SLIRP: variants seen among roughly 807,000 people sequenced by gnomAD.
SLIRP encodes the protein SRA stem-loop interacting RNA binding protein.
SLIRP carries 12 observed loss-of-function variants against 13.4 expected under a neutral mutation model. The observed-to-expected ratio is 0.89, with a 90% CI of 0.57 to 1.45. The LOEUF is 1.45. Among genes scored for constraint, SLIRP ranks in the 40% most tolerant of loss-of-function variants. The pLI, the probability that SLIRP is intolerant of heterozygous loss-of-function variation, is 0.00. For missense variants in SLIRP, 154 were observed against 132.2 expected (o/e 1.17, Z -0.81); for synonymous variants, 55 against 47.1 (o/e 1.17, Z -0.69).
rs993245161 is a variant in SLIRP, at chr14:77,714,171, A to G, written c.157-1601A>G. ...TAGTCGTGTGCCACCACACCTGACT[A>G]ATTTTTTGTACTCTTTGTAGAAATG... is the stretch of plus-strand genomic sequence containing the variant. On this transcript the variant is annotated intron_variant, in intron 2 of 3. Coordinates refer to ENST00000557342, the MANE Select transcript of SLIRP (RefSeq NM_031210.6). Among the ~76,000 whole-genome samples the G allele has an allele frequency of 7.3e-5, 11 of 151,568 alleles. No homozygotes were observed. The East Asian group carries it at 2.0e-3, about 27-fold the overall frequency.
At chr14:77,708,089 C>T (rs373975288), upstream of SLIRP, 43 of 1,611,240 alleles carry the variant, frequency 2.7e-5, no homozygotes, top group Admixed American at 8.5e-5. Context: ...GACCTCGGCT[C>T]GAGAAGGTGC....
intron 1 of SLIRP, 60 bp downstream of exon 1, chr14:77,708,268 C>T: frequency 1.3e-6 from 2 of 1,551,078 alleles, no homozygotes; most frequent in Admixed American, 1.7e-5. Flanking sequence ...CTCAAAGCTT[C>T]TGCTTTTTGC....
chr14:77,714,973 A>C (rs151338831), intron 2 of SLIRP, among the ~76,000 whole-genome samples: 1 of 152,320 alleles, frequency 6.6e-6, no homozygotes, highest in Non-Finnish European at 1.5e-5. Context: ...GAAAATAGCA[A>C]AATTGTTTAA....
In SLIRP at chr14:77,708,133, G is replaced by T. The variant is rs762954893; in HGVS notation, c.22G>T (p.Gly8Cys). The part of the protein sequence containing the change: MAASAAR[G>C]AAALRRSINQ... ...GAAGATGGCGGCCTCAGCAGCGAGA[G>T]GTGCTGCGGCGCTGCGTAGAAGTAT... is the stretch of plus-strand genomic sequence containing the variant. The change falls in exon 1 of 4, where the codon GGT (glycine) becomes TGT (cysteine). Residue 8 changes from glycine (G) to cysteine (C), a missense_variant. Gly to Cys is a radical substitution (Grantham distance 159, BLOSUM62 -3). Coordinates refer to ENST00000557342, the MANE Select transcript of SLIRP (RefSeq NM_031210.6). 6.2e-7 allele frequency: 1 copy of T among 1,614,120 alleles called. No homozygotes were observed. The highest frequency in any genetic ancestry group is 8.5e-7 in the Non-Finnish European group (1 of 1,179,982).
intron 2 of SLIRP, among the ~76,000 whole-genome samples, chr14:77,714,385 C>T (rs1226904552): frequency 2.0e-5 from 3 of 152,182 alleles, no homozygotes; most frequent in Non-Finnish European, 4.4e-5. Flanking sequence ...ACTGCAATCG[C>T]TGCCTCCTGG....
chr14:77,714,388 C>G (rs1032467535), intron 2 of SLIRP, among the ~76,000 whole-genome samples: 5 of 152,164 alleles, frequency 3.3e-5, no homozygotes, highest in African/African-American at 1.2e-4. Flanking sequence ...GCAATCGCTG[C>G]CTCCTGGGTT....
At chr14:77,710,468 G>A in intron 1 of SLIRP, 1 of 768,804 alleles carries the variant, frequency 1.3e-6, no homozygotes, top group South Asian at 1.4e-5. Flanking sequence ...AGACCAGTAA[G>A]TTGGGATTTT....
intron 1 of SLIRP, 44 bp from the exon 2 acceptor site, chr14:77,710,794 C>T (rs1441856153): frequency 6.2e-7 from 1 of 1,611,876 alleles, no homozygotes; most frequent in Non-Finnish European, 8.5e-7. Flanking sequence ...GATAGAGAAT[C>T]CAAAATATAG....
At chr14:77,710,521 A>C in intron 1 of SLIRP, 1 of 1,259,464 alleles carries the variant, frequency 7.9e-7, no homozygotes, top group Non-Finnish European at 1.1e-6. Context: ...CTGGATTGTA[A>C]TTTGTCTTTT....
chr14:77,712,275 C>CT (rs35035208), intron 2 of SLIRP, among the ~76,000 whole-genome samples: 51,039 of 137,202 alleles, frequency 0.37, 9,905 homozygotes, highest in East Asian at 0.5. Context: ...GGCAAAATTC[C>CT]TTTTTTTTTT....
At chr14:77,715,901 A>G in intron 3 of SLIRP, 22 bp downstream of exon 3, 2 of 1,533,896 alleles carry the variant, frequency 1.3e-6, no homozygotes, top group Non-Finnish European at 1.8e-6. Flanking sequence ...TCTATGCCAG[A>G]TACATACATG....
At chr14:77,716,121 C>T (rs1201855056) in intron 3 of SLIRP, 4 of 322,608 alleles carry the variant, frequency 1.2e-5, no homozygotes, top group Non-Finnish European at 2.3e-5. Flanking sequence ...TCGAGACCAT[C>T]CTGGCTAACA....
At chr14:77,709,533 TAA>T (rs1207164770) in intron 1 of SLIRP, among the ~76,000 whole-genome samples, 2 of 152,336 alleles carry the variant, frequency 1.3e-5, no homozygotes, top group Non-Finnish European at 2.9e-5. Flanking sequence ...TTAAAACCCT[TAA>T]AAAGAGTCAG....
intron 2 of SLIRP, among the ~76,000 whole-genome samples, chr14:77,711,226 TATATACAC>T (rs1356499793): frequency 2.1e-5 from 3 of 144,424 alleles, no homozygotes; most frequent in Non-Finnish European, 4.5e-5. Context: ...AATATATAAA[TATATACAC>T]CTAATAATAT....
At chr14:77,716,132 C>T (rs551429688) in intron 3 of SLIRP, 302 of 266,174 alleles carry the variant, frequency 1.1e-3, no homozygotes, top group Admixed American at 2.4e-3. Flanking sequence ...CTGGCTAACA[C>T]GGTGAAACCC....
At chr14:77,715,986 G>A in intron 3 of SLIRP, 107 bp downstream of exon 3, 1 of 912,150 alleles carries the variant, frequency 1.1e-6, no homozygotes, top group Admixed American at 2.4e-5. Flanking sequence ...GACTTGGAGA[G>A]ATTTGTAACT....
At position 77,717,559 on chromosome 14, in the gene SLIRP, T is replaced by C. The variant is rs1410894909; in HGVS notation, c.328T>C (p.Ter110ArgextTer10). 1.9e-6 allele frequency: 3 copies of C among 1,613,254 alleles called. No homozygotes were observed. Among genetic ancestry groups the C allele is most frequent in the Non-Finnish European group, 2.5e-6 (3 of 1,179,422 alleles). The change falls in exon 4 of 4, where the codon TGA becomes CGA. Residue 110 changes from the stop codon to arginine, a stop_lost. Coordinates refer to ENST00000557342, the MANE Select transcript of SLIRP (RefSeq NM_031210.6). ...QTSDDEKKDF[*>R] ...ATCTGATGATGAAAAGAAAGATTTT[T>C]GAGACTGCAGCCTATTAATAAAGTT...
chr14:77,710,577 G>A, intron 1 of SLIRP: 1 of 1,472,416 alleles, frequency 6.8e-7, no homozygotes, highest in South Asian at 1.2e-5. Flanking sequence ...ACATAGCACA[G>A]TAACTGGTAT....
rs1178607637 is a variant in SLIRP, at chr14:77,716,123, T to C, written c.264+244T>C. ...CAAGGTCAGGAGATCGAGACCATCC[T>C]GGCTAACACGGTGAAACCCCGTCTC... On this transcript the variant is annotated intron_variant, in intron 3 of 3. Coordinates refer to ENST00000557342, the MANE Select transcript of SLIRP (RefSeq NM_031210.6). 4 of 294,458 alleles carry C rather than the reference T, an allele frequency of 1.4e-5. No individual in the cohort carries two copies. The East Asian group carries it at 2.2e-4, about 16-fold the overall frequency. The allele number at this position is 294,458 out of a possible 1,614,324, so 18.2% of individuals were successfully genotyped here. A position where few individuals can be genotyped will look rare whatever the true frequency, so the allele number is the denominator to read the frequency against.
Sources: allele counts gnomAD v4.1 joint callset (sites outside exome capture counted in the v4.1 genomes callset), GRCh38; gene constraint gnomAD v4.1.1; transcripts MANE v1.5; gene names NCBI Gene and HGNC (gene_info 2026-07-23, HGNC 2026-07-21).